CERKL: variants seen among roughly 807,000 people sequenced by gnomAD.
CERKL encodes the protein ceramide kinase-like protein.
Under a neutral mutation model 63.4 loss-of-function variants are expected in CERKL, and 61 were observed. The ratio of observed to expected loss-of-function variants is 0.96; its 90% CI spans 0.78 to 1.19. The LOEUF (loss-of-function observed/expected upper bound fraction) is 1.19. Among genes scored for constraint, CERKL ranks in the 50% most tolerant of loss-of-function variants. The pLI, the probability that CERKL is intolerant of heterozygous loss-of-function variation, is 0.00. For missense variants in CERKL, 675 were observed against 655.5 expected (o/e 1.03, Z -0.33); for synonymous variants, 250 against 230.5 (o/e 1.08, Z -0.77).
intron 1 of CERKL, 104 bp downstream of exon 1, chr2:181,656,665 G>T (rs1353783381): frequency 1.0e-6 from 1 of 1,003,146 alleles, no homozygotes; most frequent in Non-Finnish European, 1.4e-6. Context: ...GAGGGGAGGC[G>T]AGAAAAGGGG....
At chr2:181,597,974 G>T (rs1375049788) in intron 2 of CERKL, among the ~76,000 whole-genome samples, 3 of 152,144 alleles carry the variant, frequency 2.0e-5, no homozygotes, top group Non-Finnish European at 4.4e-5. Context: ...ATCGCTAAAG[G>T]GGGCAACACC....
intron 2 of CERKL, among the ~76,000 whole-genome samples, chr2:181,585,531 G>T (rs754922509): frequency 6.6e-6 from 1 of 151,962 alleles, no homozygotes; most frequent in Non-Finnish European, 1.5e-5. Flanking sequence ...AGTTATCAAA[G>T]TTAAGTTTTC....
chr2:181,576,420 T>C (rs189599319), intron 2 of CERKL, among the ~76,000 whole-genome samples: 118 of 152,336 alleles, frequency 7.7e-4, no homozygotes, highest in Middle Eastern at 3.4e-3. Context: ...GTGTGATTCT[T>C]GATTGGGTTT....
At chr2:181,656,371 G>A (rs1429585250) in intron 1 of CERKL, among the ~76,000 whole-genome samples, 2 of 152,204 alleles carry the variant, frequency 1.3e-5, no homozygotes, top group Non-Finnish European at 1.5e-5. Context: ...TACCATCAAA[G>A]TTAATGGATT....
At chr2:181,539,318 C>T (rs368959560) in intron 11 of CERKL, 54 bp from the exon 12 acceptor site, 29 of 1,154,804 alleles carry the variant, frequency 2.5e-5, no homozygotes, top group East Asian at 1.7e-4. Flanking sequence ...GCTACTAACG[C>T]GAATCAAAGT....
At chr2:181,614,922 C>CT (rs2105909871) in intron 1 of CERKL, among the ~76,000 whole-genome samples, 1 of 152,186 alleles carries the variant, frequency 6.6e-6, no homozygotes, top group Non-Finnish European at 1.5e-5. Context: ...TCTATTGACA[C>CT]TTTTTTGCAA....
At chr2:181,656,161 G>A (rs574833588) in intron 1 of CERKL, among the ~76,000 whole-genome samples, 1 of 152,080 alleles carries the variant, frequency 6.6e-6, no homozygotes, top group East Asian at 1.9e-4. Flanking sequence ...AATAATCTAG[G>A]GTCAATATTA....
At chr2:181,576,211 G>C (rs1164524132) in intron 2 of CERKL, among the ~76,000 whole-genome samples, 1 of 152,136 alleles carries the variant, frequency 6.6e-6, no homozygotes, top group South Asian at 2.1e-4. Flanking sequence ...ATTATACAGT[G>C]AGAAAAATCA....
intron 2 of CERKL, among the ~76,000 whole-genome samples, chr2:181,590,213 C>G (rs988213600): frequency 6.6e-6 from 1 of 152,070 alleles, no homozygotes; most frequent in African/African-American, 2.4e-5. Context: ...TCTTGACTCA[C>G]TGCAACCTCC....
Position 181,561,495 on chromosome 2 carries a change from G to A in CERKL, c.678-2787C>T, listed in dbSNP as rs150842470. On this transcript the variant is annotated intron_variant, in intron 4 of 12. Transcript: ENST00000410087. ...CCAACTCCAACCTGACTCTGGTATA[G>A]CATTAAATAACAAATAGCAGGCCCT... Among the ~76,000 whole-genome samples the A allele has an allele frequency of 1.3e-4, 19 of 151,822 alleles. No homozygotes were observed. The East Asian group carries it at 3.5e-3, about 28-fold the overall frequency.
At chr2:181,545,364 G>C (rs1401786476) in intron 10 of CERKL, among the ~76,000 whole-genome samples, 1 of 152,076 alleles carries the variant, frequency 6.6e-6, no homozygotes, top group African/African-American at 2.4e-5. Context: ...TTGCATAACT[G>C]TTCCATCCAA....
At chr2:181,590,589 A>C (rs930079221) in intron 2 of CERKL, among the ~76,000 whole-genome samples, 1 of 152,198 alleles carries the variant, frequency 6.6e-6, no homozygotes, top group Non-Finnish European at 1.5e-5. Flanking sequence ...GAGGAGGAAA[A>C]AAAACCAAAA....
intron 1 of CERKL, among the ~76,000 whole-genome samples, chr2:181,623,273 TAC>T (rs1465791984): frequency 1.3e-5 from 2 of 152,176 alleles, no homozygotes; most frequent in Non-Finnish European, 2.9e-5. Flanking sequence ...AGGATGAAAT[TAC>T]ATTAAAATGT....
At position 181,654,714 on chromosome 2, in the gene CERKL, A is replaced by G. The variant is rs1317073867; in HGVS notation, c.238+2055T>C. On this transcript the variant is annotated intron_variant, in intron 1 of 12. Coordinates refer to ENST00000410087, the MANE Select transcript of CERKL (RefSeq NM_201548.5). ...CTCACATCTAAGCTTATTCAACAAC[A>G]GAGCATTTCTAACATTTAAATATAT... is the stretch of plus-strand genomic sequence containing the variant. Among the ~76,000 whole-genome samples the G allele has an allele frequency of 2.0e-5, 3 of 151,496 alleles. No individual in the cohort carries two copies. The East Asian group carries it at 5.8e-4, about 29-fold the overall frequency.
At chr2:181,609,284 A>G (rs1008501226) in intron 1 of CERKL, among the ~76,000 whole-genome samples, 2 of 130,174 alleles carry the variant, frequency 1.5e-5, no homozygotes, top group Non-Finnish European at 3.1e-5. Flanking sequence ...ACTACTTATA[A>G]TAGAACTTCA....
chr2:181,643,625 G>C (rs1687542263), intron 1 of CERKL, among the ~76,000 whole-genome samples: 1 of 152,230 alleles, frequency 6.6e-6, no homozygotes, highest in Non-Finnish European at 1.5e-5. Flanking sequence ...TATCAGCACA[G>C]AAATCTGTAT....
intron 2 of CERKL, among the ~76,000 whole-genome samples, chr2:181,598,061 A>G (rs534754940): frequency 6.6e-6 from 1 of 152,272 alleles, no homozygotes; most frequent in South Asian, 2.1e-4. Context: ...AAGACGCAGC[A>G]GTGGTTCTTC....
chr2:181,609,278 C>T (rs1256678177), intron 1 of CERKL, among the ~76,000 whole-genome samples: 1 of 126,972 alleles, frequency 7.9e-6, no homozygotes, highest in African/African-American at 3.0e-5. Flanking sequence ...CAAGTAACTA[C>T]TTATAATAGA....
chr2:181,575,036 G>A (rs866835882), intron 2 of CERKL, among the ~76,000 whole-genome samples: 23 of 152,130 alleles, frequency 1.5e-4, no homozygotes, highest in Admixed American at 7.9e-4. Flanking sequence ...CCTCAAAACC[G>A]TGCTCAATGC....
Sources: allele counts gnomAD v4.1 joint callset (sites outside exome capture counted in the v4.1 genomes callset), GRCh38; gene constraint gnomAD v4.1.1; transcripts MANE v1.5; gene names NCBI Gene and HGNC (gene_info 2026-07-23, HGNC 2026-07-21).